The following RANBP2 variants were observed in gnomAD, a reference collection of about 807,000 sequenced individuals.
RANBP2 encodes the protein RAN binding protein 2.
In RANBP2, 57 loss-of-function variants were observed where a neutral mutation model predicts 303.6. That is an observed-to-expected ratio of 0.19 (90% CI 0.15 to 0.23). The LOEUF (loss-of-function observed/expected upper bound fraction) is 0.23, where lower values mean the gene tolerates loss of function less well. Among genes scored for constraint, RANBP2 ranks in the 10% least tolerant of loss-of-function variants. The pLI is 1.00. For synonymous variants in RANBP2, 1,167 were observed against 1,301.5 expected (o/e 0.90, Z 2.23); for missense variants, 3,138 against 3,780.8 (o/e 0.83, Z 4.46).
the RANBP2 span, among the ~76,000 whole-genome samples, chr2:109,735,082 T>A: frequency 6.6e-6 from 1 of 152,156 alleles, no homozygotes; most frequent in Non-Finnish European, 1.5e-5. Flanking sequence ...CACACTACAA[T>A]GTTATAGAGC....
At chr2:108,876,136 A>G in the RANBP2 span, 2 of 1,609,146 alleles carry the variant, frequency 1.2e-6, no homozygotes, top group Non-Finnish European at 8.5e-7. Flanking sequence ...TGATGCTTCA[A>G]GAAATACAAA....
the RANBP2 span, among the ~76,000 whole-genome samples, chr2:109,018,431 G>A: frequency 6.6e-6 from 1 of 152,128 alleles, no homozygotes; most frequent in African/African-American, 2.4e-5. Flanking sequence ...GCAGCCAGGG[G>A]GTCTTTTCCC....
At chr2:108,897,072 G>A in the RANBP2 span, 1 of 1,614,190 alleles carries the variant, frequency 6.2e-7, no homozygotes, top group Non-Finnish European at 8.5e-7. Flanking sequence ...AGAGTTGCAT[G>A]CCGTCTGTCA....
the RANBP2 span, among the ~76,000 whole-genome samples, chr2:109,101,902 G>A: frequency 3.9e-5 from 6 of 152,150 alleles, no homozygotes; most frequent in African/African-American, 1.4e-4. Context: ...GCTTTCAGAG[G>A]CTGGAAGCCT....
chr2:109,711,607 G>C, the RANBP2 span, among the ~76,000 whole-genome samples: 1 of 152,186 alleles, frequency 6.6e-6, no homozygotes, highest in Non-Finnish European at 1.5e-5. Context: ...GATGCCCACT[G>C]GCTATGCAGA....
the RANBP2 span, among the ~76,000 whole-genome samples, chr2:109,296,844 C>T: frequency 6.6e-6 from 1 of 152,268 alleles, no homozygotes; most frequent in East Asian, 1.9e-4. Flanking sequence ...GCCCCCAAGG[C>T]GTCTCACCTC....
chr2:108,823,529 C>T, the RANBP2 span, among the ~76,000 whole-genome samples: 38 of 152,204 alleles, frequency 2.5e-4, no homozygotes, highest in Non-Finnish European at 4.6e-4. Flanking sequence ...TAGCCTACTA[C>T]CAGCCTAGGC....
chr2:108,845,012 C>T, the RANBP2 span, among the ~76,000 whole-genome samples: 1 of 151,960 alleles, frequency 6.6e-6, no homozygotes, highest in African/African-American at 2.4e-5. Context: ...TCCCAAAGTG[C>T]TGGGATTACA....
At chr2:109,177,960 G>A in the RANBP2 span, among the ~76,000 whole-genome samples, 93 of 152,254 alleles carry the variant, frequency 6.1e-4, no homozygotes, top group African/African-American at 2.1e-3. Context: ...TTGCCAACAT[G>A]TTTCCCAAAT....
the RANBP2 span, among the ~76,000 whole-genome samples, chr2:109,383,271 T>C: frequency 6.6e-6 from 1 of 152,188 alleles, no homozygotes; most frequent in South Asian, 2.1e-4. Context: ...CATGTCTGAT[T>C]TTTCAGCTGG....
chr2:109,255,436 G>A, the RANBP2 span, among the ~76,000 whole-genome samples: 1 of 152,158 alleles, frequency 6.6e-6, no homozygotes. Flanking sequence ...AAGGTCTGTG[G>A]GGTTGTGGAC....
At chr2:108,921,101 C>A in the RANBP2 span, among the ~76,000 whole-genome samples, 1 of 152,302 alleles carries the variant, frequency 6.6e-6, no homozygotes, top group African/African-American at 2.4e-5. Flanking sequence ...TGCGAATCAC[C>A]CCCCTGAAAC....
intron 25 of RANBP2, among the ~76,000 whole-genome samples, chr2:108,778,700 T>C (rs1207018365): frequency 6.6e-6 from 1 of 152,050 alleles, no homozygotes; most frequent in African/African-American, 2.4e-5. Flanking sequence ...ATTTTTGCTT[T>C]TGGCAAAAAA....
At chr2:109,050,887 G>A in the RANBP2 span, among the ~76,000 whole-genome samples, 3 of 152,234 alleles carry the variant, frequency 2.0e-5, no homozygotes, top group African/African-American at 7.2e-5. Flanking sequence ...TAGGAGATGT[G>A]TAATATATAT....
At chr2:109,670,999 A>T in the RANBP2 span, among the ~76,000 whole-genome samples, 1 of 152,198 alleles carries the variant, frequency 6.6e-6, no homozygotes, top group Non-Finnish European at 1.5e-5. Context: ...TTGGGCCAAA[A>T]GGAGAGGCTG....
At chr2:109,321,241 A>G in the RANBP2 span, among the ~76,000 whole-genome samples, 2 of 152,220 alleles carry the variant, frequency 1.3e-5, no homozygotes, top group African/African-American at 4.8e-5. Context: ...CCTCGGATTC[A>G]CTTTTAATTA....
At chr2:108,930,294 T>C in the RANBP2 span, 1 of 1,612,734 alleles carries the variant, frequency 6.2e-7, no homozygotes, top group Non-Finnish European at 8.5e-7. Context: ...GAAACACATG[T>C]GACTCCTGCA....
At chr2:108,955,203 T>C in the RANBP2 span, among the ~76,000 whole-genome samples, 1 of 152,134 alleles carries the variant, frequency 6.6e-6, no homozygotes, top group Non-Finnish European at 1.5e-5. Flanking sequence ...GGTTGTCTCA[T>C]CAGTAAAATT....
At chr2:109,511,327 CT>C in the RANBP2 span, among the ~76,000 whole-genome samples, 1 of 152,250 alleles carries the variant, frequency 6.6e-6, no homozygotes, top group Non-Finnish European at 1.5e-5. Flanking sequence ...CAGCTGTCCT[CT>C]GTGGCCTCTG....
Sources: gnomAD v4.1 joint callset for allele counts (sites outside exome capture counted in the v4.1 genomes callset) on GRCh38, gnomAD v4.1.1 for gene constraint, MANE v1.5 for transcripts, NCBI Gene and HGNC (gene_info 2026-07-23, HGNC 2026-07-21) for gene names.